Variants in OSCP1 observed in about 807,000 individuals in gnomAD.
The protein encoded by OSCP1 is organic solute carrier partner 1.
Under a neutral mutation model 45.1 loss-of-function variants are expected in OSCP1, and 35 were observed. That is an observed-to-expected ratio of 0.78 (90% CI 0.59 to 1.03). The LOEUF is 1.03. Among genes scored for constraint, OSCP1 ranks in the 50% least tolerant of loss-of-function variants. OSCP1 has a pLI of 0.00. For missense variants in OSCP1, 400 were observed against 470.7 expected (o/e 0.85, Z 1.39); for synonymous variants, 179 against 180.1 (o/e 0.99, Z 0.05).
intron 5 of OSCP1, 59 bp from the exon 6 acceptor site, chr1:36,422,955 T>C: frequency 7.0e-7 from 1 of 1,432,508 alleles, no homozygotes; most frequent in South Asian, 1.7e-5. Flanking sequence ...TCCTGGAGGC[T>C]TCTTTATTCT....
At chr1:36,430,364 G>C (rs1648279529) in intron 4 of OSCP1, among the ~76,000 whole-genome samples, 1 of 152,112 alleles carries the variant, frequency 6.6e-6, no homozygotes, top group Non-Finnish European at 1.5e-5. Flanking sequence ...TTAAAAGTTA[G>C]GATGTAGAAT....
chr1:36,424,899 G>A (rs1052518118), intron 4 of OSCP1, among the ~76,000 whole-genome samples: 13 of 152,334 alleles, frequency 8.5e-5, no homozygotes, highest in South Asian at 2.1e-4. Flanking sequence ...TAGGCTGGGT[G>A]TGGTGGCTTA....
At chr1:36,445,092 G>GT (rs1473121859) in intron 1 of OSCP1, among the ~76,000 whole-genome samples, 1 of 152,218 alleles carries the variant, frequency 6.6e-6, no homozygotes, top group Non-Finnish European at 1.5e-5. Flanking sequence ...GCTCATGCCT[G>GT]TAATCCCAGA....
At chr1:36,424,908 T>C (rs879083609) in intron 4 of OSCP1, among the ~76,000 whole-genome samples, 16 of 152,110 alleles carry the variant, frequency 1.1e-4, no homozygotes, top group African/African-American at 3.4e-4. Flanking sequence ...TGTGGTGGCT[T>C]ACGCCTGTAA....
At chr1:36,446,974 A>C (rs1346259635) in intron 1 of OSCP1, among the ~76,000 whole-genome samples, 2 of 152,218 alleles carry the variant, frequency 1.3e-5, no homozygotes, top group Non-Finnish European at 2.9e-5. Flanking sequence ...GTTGAATGCT[A>C]AACTAGAGGC....
intron 1 of OSCP1, among the ~76,000 whole-genome samples, chr1:36,439,577 T>C (rs940666325): frequency 1.3e-5 from 2 of 152,178 alleles, no homozygotes; most frequent in Non-Finnish European, 2.9e-5. Context: ...TACTTAAAAT[T>C]AAATATTATA....
At chr1:36,426,021 G>T (rs555631245) in intron 4 of OSCP1, among the ~76,000 whole-genome samples, 26 of 152,256 alleles carry the variant, frequency 1.7e-4, no homozygotes, top group Admixed American at 1.7e-3. Context: ...GAGATGAGCA[G>T]GTGTGAGTCA....
At chr1:36,428,143 T>A in intron 4 of OSCP1, 1 of 547,138 alleles carries the variant, frequency 1.8e-6, no homozygotes, top group Non-Finnish European at 2.2e-6. Flanking sequence ...TGAGCTGAGA[T>A]GGTGCCACTG....
intron 6 of OSCP1, 102 bp downstream of exon 6, chr1:36,422,666 G>A: frequency 3.3e-6 from 4 of 1,210,710 alleles, no homozygotes; most frequent in South Asian, 1.9e-5. Flanking sequence ...CCTATTGTCG[G>A]CAGGGATTTT....
At chr1:36,428,600 C>A (rs1648139161) in intron 4 of OSCP1, 1 of 1,226,460 alleles carries the variant, frequency 8.2e-7, no homozygotes, top group Non-Finnish European at 1.1e-6. Context: ...TTATTTTGCC[C>A]AAGGTCATGG....
At chr1:36,437,927 C>A (rs1648858768) in intron 2 of OSCP1, among the ~76,000 whole-genome samples, 1 of 152,158 alleles carries the variant, frequency 6.6e-6, no homozygotes, top group African/African-American at 2.4e-5. Flanking sequence ...GTAATCCTAG[C>A]ACTTTGGGAG....
chr1:36,431,882 T>A lies in OSCP1; in HGVS notation c.436A>T (p.Ile146Leu). The change falls in exon 4 of 10, where the codon ATA becomes TTA. Residue 146 changes from isoleucine to leucine, a missense_variant and splice_region_variant. Ile to Leu is a conservative substitution (Grantham distance 5). Coordinates refer to ENST00000235532, the MANE Select transcript of OSCP1 (RefSeq NM_145047.5). ...VDETLRQLTE[I>L]YGGLSAGEFQ... ...TCCCCTGCAGAGAGACCACCATATA[T>A]CTGCCAAAGGCAAGCAGAAAGCAGC... The A allele has an allele frequency of 6.2e-7, 1 of 1,612,646 alleles. No homozygotes were observed. Among genetic ancestry groups the A allele is most frequent in the Non-Finnish European group, 8.5e-7 (1 of 1,179,876 alleles).
At chr1:36,444,596 T>C (rs1486467416) in intron 1 of OSCP1, among the ~76,000 whole-genome samples, 9 of 152,176 alleles carry the variant, frequency 5.9e-5, no homozygotes. Flanking sequence ...TTTTTATATA[T>C]ATAGATGCAT....
chr1:36,438,512 C>T (rs1648909863), intron 2 of OSCP1, among the ~76,000 whole-genome samples: 1 of 152,044 alleles, frequency 6.6e-6, no homozygotes, highest in African/African-American at 2.4e-5. Flanking sequence ...ACACCCAAAA[C>T]AAATCAAACA....
Position 36,422,082 on chromosome 1 carries a change from C to G in OSCP1, c.819+68G>C. ...GATCCGAAATCTAAAGCGTTCTCAC[C>G]TCTCTTTATGTAGACTTCCGTATCT... On this transcript the variant is annotated intron_variant, in intron 7 of 9. Coordinates refer to ENST00000235532, the MANE Select transcript of OSCP1 (RefSeq NM_145047.5). 3 of 1,468,706 alleles carry G rather than the reference C, an allele frequency of 2.0e-6. No homozygotes were observed. In the East Asian group the frequency reaches 6.8e-5, roughly 33 times the overall value. 91.0% of individuals were successfully genotyped at this position (1,468,706 alleles called of 1,614,324 possible). A position where few individuals can be genotyped will look rare whatever the true frequency, so the allele number is the denominator to read the frequency against.
At chr1:36,423,953 T>C (rs1397572283) in intron 4 of OSCP1, among the ~76,000 whole-genome samples, 2 of 67,260 alleles carry the variant, frequency 3.0e-5, no homozygotes, top group East Asian at 2.1e-3. Context: ...AACAGAACTA[T>C]TTTTTTTTTT....
intron 8 of OSCP1, 115 bp downstream of exon 8, chr1:36,420,357 TTTTA>T: frequency 1.6e-6 from 2 of 1,225,910 alleles, no homozygotes; most frequent in South Asian, 1.5e-5. Context: ...TTTGTTGGTA[TTTTA>T]TTTGTGATAT....
At chr1:36,428,083 G>A (rs1253207334) in intron 4 of OSCP1, among the ~76,000 whole-genome samples, 3 of 151,382 alleles carry the variant, frequency 2.0e-5, no homozygotes, top group South Asian at 2.1e-4. Context: ...CCAGCTACTC[G>A]GGAGGCTGAG....
In OSCP1 at chr1:36,420,608, A is replaced by G; in HGVS notation, c.827T>C (p.Ile276Thr). ...TTCTTTAGCAAGAGGGTTTGGAGCA[A>G]TGCTTTCCTGCAGAAACAGTTGCAT... ...KNLASWTQES[I>T]APNPLAKEEL... Residue 276 changes from isoleucine (I) to threonine (T), a missense_variant, in exon 8 of 10, where the codon ATT (isoleucine) becomes ACT (threonine). Ile to Thr is a moderately conservative substitution (Grantham distance 89). Coordinates refer to ENST00000235532, the MANE Select transcript of OSCP1 (RefSeq NM_145047.5). The G allele has an allele frequency of 6.2e-7, 1 of 1,613,260 alleles. No individual in the cohort carries two copies. The highest frequency in any genetic ancestry group is 8.5e-7 in the Non-Finnish European group (1 of 1,179,770).
Sources: gnomAD v4.1 joint callset for allele counts (sites outside exome capture counted in the v4.1 genomes callset) on GRCh38, gnomAD v4.1.1 for gene constraint, MANE v1.5 for transcripts, NCBI Gene and HGNC (gene_info 2026-07-23, HGNC 2026-07-21) for gene names.